The following VPS13B variants were observed in gnomAD, a reference collection of about 807,000 sequenced individuals.
VPS13B encodes the protein vacuolar protein sorting 13 homolog B, also known as intermembrane lipid transfer protein VPS13B.
In VPS13B, 285 loss-of-function variants were observed where a neutral mutation model predicts 426.4. That is an observed-to-expected ratio of 0.67 (90% CI 0.61 to 0.74). The LOEUF is 0.74. Among genes scored for constraint, VPS13B ranks in the 30% least tolerant of loss-of-function variants. The pLI, the probability that VPS13B is intolerant of heterozygous loss-of-function variation, is 0.00. For missense variants in VPS13B, 4,537 were observed against 4,782.6 expected, an observed-to-expected ratio of 0.95 and a Z score of 1.51; for synonymous variants, 1,676 against 1,676.4, an observed-to-expected ratio of 1.00 and a Z score of 0.01.
At chr8:99,348,849 G>T (rs1337875551) in intron 19 of VPS13B, among the ~76,000 whole-genome samples, 2 of 151,434 alleles carry the variant, frequency 1.3e-5, no homozygotes, top group African/African-American at 2.4e-5. Context: ...TTTTTTAAAC[G>T]CACATGAAAT....
intron 19 of VPS13B, among the ~76,000 whole-genome samples, chr8:99,309,221 A>C (rs1301510241): frequency 6.6e-6 from 1 of 152,090 alleles, no homozygotes; most frequent in East Asian, 1.9e-4. Flanking sequence ...TTTTGTTGCC[A>C]TTGCTTTTGG....
intron 2 of VPS13B, among the ~76,000 whole-genome samples, chr8:99,028,545 G>T (rs1207099934): frequency 9.4e-6 from 1 of 105,916 alleles, no homozygotes; most frequent in South Asian, 4.0e-4. Flanking sequence ...CCTCCCTCCC[G>T]GACGGGGCGG....
intron 20 of VPS13B, among the ~76,000 whole-genome samples, chr8:99,385,809 G>C (rs1379175122): frequency 6.6e-6 from 1 of 152,146 alleles, no homozygotes; most frequent in Non-Finnish European, 1.5e-5. Flanking sequence ...GACAGAGAAG[G>C]TTGTTTTAGA....
At chr8:99,734,321 T>G (rs1051712591) in intron 39 of VPS13B, among the ~76,000 whole-genome samples, 3 of 152,210 alleles carry the variant, frequency 2.0e-5, no homozygotes, top group African/African-American at 7.2e-5. Context: ...TTACTTTACT[T>G]AGACTCTGTT....
At chr8:99,602,975 A>G (rs74629525) in intron 33 of VPS13B, among the ~76,000 whole-genome samples, 4,745 of 152,292 alleles carry the variant, frequency 0.031, 100 homozygotes, top group East Asian at 0.06. Context: ...TATAGATTCA[A>G]TGCTATCCCC....
intron 58 of VPS13B, chr8:99,868,042 G>T (rs758132191): frequency 1.5e-5 from 7 of 465,598 alleles, no homozygotes; most frequent in Non-Finnish European, 2.4e-5. Flanking sequence ...GTTAAATTCT[G>T]AACTAAACTT....
chr8:99,343,740 A>G (rs1016069119), intron 19 of VPS13B, among the ~76,000 whole-genome samples: 1 of 152,236 alleles, frequency 6.6e-6, no homozygotes, highest in African/African-American at 2.4e-5. Context: ...AATTAAACCC[A>G]GGCAATGAAA....
intron 44 of VPS13B, among the ~76,000 whole-genome samples, chr8:99,816,272 T>C (rs1333801061): frequency 2.0e-5 from 3 of 152,128 alleles, no homozygotes; most frequent in African/African-American, 7.2e-5. Context: ...CCAGCTAATT[T>C]TGTATTTTTA....
intron 30 of VPS13B, among the ~76,000 whole-genome samples, chr8:99,539,239 A>G (rs1214411423): frequency 1.3e-5 from 2 of 152,206 alleles, no homozygotes; most frequent in Non-Finnish European, 1.5e-5. Context: ...AAAAATAGGT[A>G]CAATAATTTT....
chr8:99,139,608 T>C (rs573214957), intron 12 of VPS13B, among the ~76,000 whole-genome samples: 2 of 151,920 alleles, frequency 1.3e-5, no homozygotes, highest in African/African-American at 2.4e-5. Context: ...TGGCTAACTT[T>C]TTGTATTTTT....
At chr8:99,510,003 A>AGTTATGATT (rs1049349626) in intron 28 of VPS13B, among the ~76,000 whole-genome samples, 10 of 152,206 alleles carry the variant, frequency 6.6e-5, no homozygotes, top group Non-Finnish European at 1.5e-4. Flanking sequence ...AAAATATTGA[A>AGTTATGATT]GTTATGATAA....
rs1388316835 is a variant in VPS13B, at chr8:99,691,325, G to A, written c.6047-8200G>A. On this transcript the variant is annotated intron_variant, in intron 35 of 61. Transcript: ENST00000357162. ...AGTGGTGATGGTTGCACAAACTTGT[G>A]TATACTAAAAACAATAAATTGTATG... is the stretch of plus-strand genomic sequence containing the variant. Among the ~76,000 whole-genome samples, 3 of 151,820 alleles carry A rather than the reference G, an allele frequency of 2.0e-5. No individual in the cohort carries two copies. In the East Asian group the frequency reaches 5.8e-4, roughly 29 times the overall value.
chr8:99,758,006 A>C (rs1810730034), intron 39 of VPS13B, among the ~76,000 whole-genome samples: 1 of 152,100 alleles, frequency 6.6e-6, no homozygotes, highest in Non-Finnish European at 1.5e-5. Context: ...TTTCTAAACT[A>C]TTTTTTTGGC....
At chr8:99,492,417 G>A (rs1020627231) in intron 25 of VPS13B, among the ~76,000 whole-genome samples, 1 of 152,228 alleles carries the variant, frequency 6.6e-6, no homozygotes, top group Admixed American at 6.5e-5. Flanking sequence ...AGACAGGGAC[G>A]TTTAAGCCTG....
intron 5 of VPS13B, among the ~76,000 whole-genome samples, chr8:99,104,706 C>A (rs1846950710): frequency 6.6e-6 from 1 of 152,034 alleles, no homozygotes; most frequent in Non-Finnish European, 1.5e-5. Flanking sequence ...TCACTGCAGC[C>A]TCGACTTCCT....
At chr8:99,559,567 T>G (rs1336995839) in intron 31 of VPS13B, among the ~76,000 whole-genome samples, 2 of 152,220 alleles carry the variant, frequency 1.3e-5, no homozygotes, top group Non-Finnish European at 2.9e-5. Flanking sequence ...TTAATCCATC[T>G]TGAATTAATT....
At chr8:99,570,840 C>T (rs1400097832) in intron 31 of VPS13B, among the ~76,000 whole-genome samples, 2 of 151,908 alleles carry the variant, frequency 1.3e-5, no homozygotes, top group Non-Finnish European at 2.9e-5. Context: ...GACAGATGCC[C>T]CAGGGTTATC....
At chr8:99,700,904 T>A (rs1393117453) in intron 36 of VPS13B, among the ~76,000 whole-genome samples, 2 of 152,022 alleles carry the variant, frequency 1.3e-5, no homozygotes, top group Non-Finnish European at 2.9e-5. Context: ...CCTCTTTAAT[T>A]TGTGGGGGGA....
chr8:99,425,223 G>A (rs532728109), intron 21 of VPS13B, among the ~76,000 whole-genome samples: 1 of 152,256 alleles, frequency 6.6e-6, no homozygotes, highest in African/African-American at 2.4e-5. Context: ...TGTGAGTCCA[G>A]CATCATCCTG....
Sources: allele counts gnomAD v4.1 joint callset (sites outside exome capture counted in the v4.1 genomes callset), GRCh38; gene constraint gnomAD v4.1.1; transcripts MANE v1.5; gene names NCBI Gene and HGNC (gene_info 2026-07-23, HGNC 2026-07-21).